Variants in UBE2G2 observed in about 807,000 individuals in gnomAD.
UBE2G2 encodes the protein ubiquitin conjugating enzyme E2 G2, also known as ubiquitin-conjugating enzyme E2 G2.
A neutral mutation model predicts 23.0 loss-of-function variants in UBE2G2; 10 were observed. The observed-to-expected ratio is 0.43, with a 90% CI of 0.27 to 0.74. The LOEUF (loss-of-function observed/expected upper bound fraction) is 0.74, where lower values mean the gene tolerates loss of function less well. Among genes scored for constraint, UBE2G2 ranks in the 30% least tolerant of loss-of-function variants. The probability of loss-of-function intolerance (pLI) is 0.19; values close to 1 mark genes in which losing one functional copy is unlikely to be tolerated. For missense variants in UBE2G2, 150 were observed against 218.3 expected, an observed-to-expected ratio of 0.69 and a Z score of 1.97; for synonymous variants, 86 against 81.3, an observed-to-expected ratio of 1.06 and a Z score of -0.31.
intron 1 of UBE2G2, chr21:44,801,411 G>C: frequency 2.5e-6 from 3 of 1,217,322 alleles, no homozygotes; most frequent in Non-Finnish European, 3.1e-6. Flanking sequence ...GCCAAGAAAA[G>C]AAAAAATAGA....
chr21:44,799,860 G>C (rs1311726136), intron 1 of UBE2G2: 3 of 152,146 alleles, frequency 2.0e-5, no homozygotes, highest in African/African-American at 7.2e-5. Flanking sequence ...CTTTTGATTT[G>C]AAGTGGGTAG....
At position 44,770,019 on chromosome 21, in the gene UBE2G2, AC is replaced by A. The variant is rs1489929447; in HGVS notation, c.*1357del. 1.3e-5 allele frequency: 2 copies of A among 152,226 alleles called. No individual in the cohort carries two copies. The highest frequency in any genetic ancestry group is 4.8e-5 in the African/African-American group (2 of 41,454). The allele number at this position is 152,226 out of a possible 1,614,324, so 9.4% of individuals were successfully genotyped here. On this transcript the variant is annotated 3_prime_UTR_variant, in exon 6 of 6. Transcript: ENST00000345496. Reference sequence around the variant, plus strand: ...GCTGGCCCTGTTAGAGAACATGGGAACCACATCAAAATCCTAAGTCACAAAA... The same window carrying A: ...GCTGGCCCTGTTAGAGAACATGGGAACACATCAAAATCCTAAGTCACAAAA...
At chr21:44,791,402 A>G (rs568306122) in intron 1 of UBE2G2, among the ~76,000 whole-genome samples, 1 of 152,312 alleles carries the variant, frequency 6.6e-6, no homozygotes, top group Admixed American at 6.5e-5. Flanking sequence ...TACTCTGTGC[A>G]GCCTTGGTAC....
rs782305974 is a variant in UBE2G2 at position 44,801,791 on chromosome 21, C to A, written c.-43G>T. ...GCCGAGCGACCTCGCCTCAGCCGCGCGCGTGCCTCCTGCCCCGACACCGGG... is the reference window on the plus strand; with the variant it reads ...GCCGAGCGACCTCGCCTCAGCCGCGAGCGTGCCTCCTGCCCCGACACCGGG... On this transcript the variant is annotated 5_prime_UTR_variant, in exon 1 of 6. Coordinates refer to ENST00000345496, the MANE Select transcript of UBE2G2 (RefSeq NM_003343.6). The A allele has an allele frequency of 4.7e-6, 7 of 1,503,234 alleles. No individual in the cohort carries two copies. Among genetic ancestry groups the A allele is most frequent in the African/African-American group, 1.5e-5 (1 of 68,736 alleles). The allele number at this position is 1,503,234 out of a possible 1,614,324, so 93.1% of individuals were successfully genotyped here.
rs76643821 is a variant in UBE2G2 at position 44,794,903 on chromosome 21, A to T, written c.43+6803T>A. Among the ~76,000 whole-genome samples, 396 of 152,348 alleles carry T rather than the reference A, an allele frequency of 2.6e-3. 6 individuals are homozygous for T. Among genetic ancestry groups the T allele is most frequent in the African/African-American group, 8.4e-3 (349 of 41,578 alleles). On this transcript the variant is annotated intron_variant, in intron 1 of 5. Coordinates refer to ENST00000345496, the MANE Select transcript of UBE2G2 (RefSeq NM_003343.6). ...AAGACTCAAGTCACTTTATCTAAAA[A>T]GACATATGGATGGCAAATAAACACG...
chr21:44,787,998 A>C, intron 2 of UBE2G2, 33 bp from the exon 3 acceptor site: 1 of 1,611,314 alleles, frequency 6.2e-7, no homozygotes, highest in Non-Finnish European at 8.5e-7. Context: ...ACAACATTTT[A>C]ACTTTGAAGG....
rs181641716 is a variant in UBE2G2, at chr21:44,781,796, G to T, written c.126-4379C>A. Among the ~76,000 whole-genome samples the T allele has an allele frequency of 1.1e-4, 16 of 152,292 alleles. No homozygotes were observed. In the East Asian group the frequency reaches 1.9e-3, roughly 18 times the overall value. The stretch of plus-strand genomic sequence containing the variant: ...AGGTAGATAACCAATGCTAAGAACT[G>T]CTCGGAAGAAAAGGGGGAACATTTC... On this transcript the variant is annotated intron_variant, in intron 3 of 5. Coordinates refer to ENST00000345496, the MANE Select transcript of UBE2G2 (RefSeq NM_003343.6).
chr21:44,787,135 G>A (rs1234254228), intron 3 of UBE2G2, among the ~76,000 whole-genome samples: 8 of 151,658 alleles, frequency 5.3e-5, no homozygotes, highest in African/African-American at 1.9e-4. Context: ...AAAGAAAACA[G>A]AGACTGATTA....
chr21:44,773,619 T>A lies in UBE2G2; in HGVS notation c.313A>T (p.Ser105Cys). The A allele has an allele frequency of 6.2e-7, 1 of 1,612,462 alleles. No homozygotes were observed. The highest frequency in any genetic ancestry group is 8.5e-7 in the Non-Finnish European group (1 of 1,180,004). ...ACAGGACTCCACCGCTCCGCGCTGC[T>A]CTCGTAGCCCATGGGGTCATCGCCT... ...APGDDPMGYE[S>C]SAERWSPVQS... The change falls in exon 5 of 6, where the codon AGC (serine) becomes TGC (cysteine). Residue 105 changes from serine to cysteine, a missense_variant. Coordinates refer to ENST00000345496, the MANE Select transcript of UBE2G2 (RefSeq NM_003343.6).
intron 1 of UBE2G2, 137 bp downstream of exon 1, chr21:44,801,569 G>A (rs2083138253): frequency 6.4e-6 from 8 of 1,253,220 alleles, no homozygotes; most frequent in Non-Finnish European, 8.3e-6. Context: ...GCACTCCGCG[G>A]GACCCACAGG....
At chr21:44,795,065 C>T (rs1555963487) in intron 1 of UBE2G2, among the ~76,000 whole-genome samples, 1 of 151,998 alleles carries the variant, frequency 6.6e-6, no homozygotes, top group East Asian at 1.9e-4. Context: ...GAGTTAGAGA[C>T]CAGCCTAGCC....
rs1569291597 is a variant in UBE2G2 at position 44,771,347 on chromosome 21, G to GGT, written c.*28_*29dup. 4 of 1,595,970 alleles carry GGT rather than the reference G, an allele frequency of 2.5e-6. No individual in the cohort carries two copies. Among genetic ancestry groups the GGT allele is most frequent in the African/African-American group, 1.3e-5 (1 of 74,620 alleles). ...GGGGGAGAATGCTGAGCTGCTTGGC[G>GGT]GTGTGTGCGCGCCTGTGCGAGGCCA... is the stretch of plus-strand genomic sequence containing the variant. On this transcript the variant is annotated 3_prime_UTR_variant, in exon 6 of 6. Transcript: ENST00000345496. The surrounding 1 kb of genome is among the most constrained non-coding windows in gnomAD (Gnocchi z 4.6).
chr21:44,785,414 G>A (rs895734906), intron 3 of UBE2G2, among the ~76,000 whole-genome samples: 3 of 152,154 alleles, frequency 2.0e-5, no homozygotes, highest in Non-Finnish European at 4.4e-5. Context: ...GTCTTCCAAG[G>A]TAAAGATTTC....
At chr21:44,788,001 T>A in intron 2 of UBE2G2, 36 bp from the exon 3 acceptor site, 1 of 1,610,996 alleles carries the variant, frequency 6.2e-7, no homozygotes, top group East Asian at 2.2e-5. Flanking sequence ...ACATTTTAAC[T>A]TTGAAGGAAC....
Position 44,771,281 on chromosome 21 carries a change from G to T in UBE2G2, c.*96C>A. The T allele has an allele frequency of 8.7e-7, 1 of 1,143,774 alleles. No individual in the cohort carries two copies. Among genetic ancestry groups the T allele is most frequent in the Non-Finnish European group, 1.3e-6 (1 of 794,120 alleles). The allele number at this position is 1,143,774 out of a possible 1,614,324, so 70.9% of individuals were successfully genotyped here. A position where few individuals can be genotyped will look rare whatever the true frequency, so the allele number is the denominator to read the frequency against. On this transcript the variant is annotated 3_prime_UTR_variant, in exon 6 of 6. Coordinates refer to ENST00000345496, the MANE Select transcript of UBE2G2 (RefSeq NM_003343.6). This position sits in a 1 kb window ranked among gnomAD's most constrained non-coding sequence, Gnocchi z 4.6. ...GCCATGGTTCTTGCAAGTCTGCCTT[G>T]TTTGGTACCAGCACAGAGCATCACT...
intron 3 of UBE2G2, among the ~76,000 whole-genome samples, chr21:44,779,379 G>GC (rs1252435788): frequency 7.8e-6 from 1 of 128,890 alleles, no homozygotes; most frequent in Admixed American, 7.9e-5. Context: ...GGTGGGGGGG[G>GC]GGTACTGTGT....
chr21:44,778,686 C>T (rs898515263), intron 3 of UBE2G2, among the ~76,000 whole-genome samples: 1 of 152,206 alleles, frequency 6.6e-6, no homozygotes, highest in Non-Finnish European at 1.5e-5. Context: ...GGAAGCAGGA[C>T]TGCTGAATGA....
chr21:44,801,760 A>T lies in UBE2G2; in HGVS notation c.-12T>A, dbSNP rs1444308233. On this transcript the variant is annotated 5_prime_UTR_variant, in exon 1 of 6. Transcript: ENST00000345496. ...GCGGTCCCCGCCATGGCCCCGCAAC[A>T]GCTGCGCCGAGCGACCTCGCCTCAG... The T allele has an allele frequency of 6.6e-6, 10 of 1,515,572 alleles. No homozygotes were observed. The highest frequency in any genetic ancestry group is 7.9e-6 in the Non-Finnish European group (9 of 1,134,228). 93.9% of individuals were successfully genotyped at this position (1,515,572 alleles called of 1,614,324 possible).
chr21:44,784,232 GAGGA>G (rs782048259), intron 3 of UBE2G2, among the ~76,000 whole-genome samples: 14 of 152,066 alleles, frequency 9.2e-5, no homozygotes, highest in Non-Finnish European at 1.8e-4. Context: ...GAGGAGAGGA[GAGGA>G]AGGAAGGACG....
Sources: gnomAD v4.1 joint callset for allele counts (sites outside exome capture counted in the v4.1 genomes callset) on GRCh38, gnomAD v4.1.1 for gene constraint, Gnocchi (gnomAD v3.1) non-coding constraint, MANE v1.5 for transcripts, NCBI Gene and HGNC (gene_info 2026-07-23, HGNC 2026-07-21) for gene names.